ENTPD5: variants seen among roughly 807,000 people sequenced by gnomAD.
The protein encoded by ENTPD5 is ectonucleoside triphosphate diphosphohydrolase 5 (inactive).
ENTPD5 carries 49 observed loss-of-function variants against 60.2 expected under a neutral mutation model. That is an observed-to-expected ratio of 0.81 (90% CI 0.65 to 1.03). The LOEUF (loss-of-function observed/expected upper bound fraction) is 1.03. Among genes scored for constraint, ENTPD5 ranks in the 50% least tolerant of loss-of-function variants. ENTPD5 has a pLI of 0.00. For missense variants in ENTPD5, 480 were observed against 507.6 expected, an observed-to-expected ratio of 0.95 and a Z score of 0.52; for synonymous variants, 187 against 185.4, an observed-to-expected ratio of 1.01 and a Z score of -0.07.
At chr14:73,961,150 G>C, downstream of ENTPD5, 1 of 1,611,054 alleles carries the variant, frequency 6.2e-7, no homozygotes, top group Non-Finnish European at 8.5e-7. Context: ...CACCTTGTTT[G>C]TCTTGTGGCT....
At chr14:73,978,468 G>A (rs562055352) in intron 6 of ENTPD5, among the ~76,000 whole-genome samples, 1 of 152,084 alleles carries the variant, frequency 6.6e-6, no homozygotes, top group African/African-American at 2.4e-5. Flanking sequence ...TAGCATGGTG[G>A]TGGGCACCTG....
At position 73,991,625 on chromosome 14, in the gene ENTPD5, A is replaced by AAG. The variant is rs56259684; in HGVS notation, c.-70-3454_-70-3453insCT. Among the ~76,000 whole-genome samples the AAG allele has an allele frequency of 1.4e-4, 18 of 128,046 alleles. 1 individual carries two copies. The highest frequency in any genetic ancestry group is 4.7e-4 in the African/African-American group (17 of 36,526). The allele number at this position is 128,046 out of a possible 152,430, so 84.0% of individuals were successfully genotyped here. Reference sequence around the variant, plus strand: ...ACAATAACCAAAAAAAAAAAAAAAAAACAATTAGGGCTTGATGTGGGCGCT... The same window carrying AAG: ...ACAATAACCAAAAAAAAAAAAAAAAAAGACAATTAGGGCTTGATGTGGGCGCT... On this transcript the variant is annotated intron_variant, in intron 3 of 15. Coordinates refer to ENST00000334696, the MANE Select transcript of ENTPD5 (RefSeq NM_001249.5).
At chr14:74,002,068 T>C (rs2058529163) in intron 3 of ENTPD5, among the ~76,000 whole-genome samples, 2 of 152,180 alleles carry the variant, frequency 1.3e-5, no homozygotes, top group Non-Finnish European at 1.5e-5. Context: ...TGATGTTAAG[T>C]ATTCTACATA....
rs1457562584 is a variant in ENTPD5, at chr14:73,977,009, T to C, written c.553+15A>G. 3.1e-6 allele frequency: 5 copies of C among 1,605,466 alleles called. No homozygotes were observed. In the African/African-American group the frequency reaches 4.0e-5, roughly 13 times the overall value. On this transcript the variant is annotated intron_variant, in intron 8 of 15. Coordinates refer to ENST00000334696, the MANE Select transcript of ENTPD5 (RefSeq NM_001249.5). ...AGCTAGTTAAGCTCTAAAGATAAAC[T>C]TGAGGATGTATTACCTGTCAGAAAA...
chr14:73,961,100 G>A (rs1160765460), downstream of ENTPD5: 1 of 1,517,372 alleles, frequency 6.6e-7, no homozygotes, highest in Non-Finnish European at 8.9e-7. Flanking sequence ...TACAAACAAG[G>A]TTTCTTTATT....
chr14:73,955,667 TCTC>T (rs1436719445), downstream of ENTPD5: 4 of 1,451,556 alleles, frequency 2.8e-6, no homozygotes, highest in Non-Finnish European at 3.9e-6. Flanking sequence ...AGAATTTTCT[TCTC>T]ATTTTATATT....
At chr14:73,961,775 C>G (rs1054575425), downstream of ENTPD5, 1 of 1,614,194 alleles carries the variant, frequency 6.2e-7, no homozygotes, top group Non-Finnish European at 8.5e-7. Flanking sequence ...AACAGAAAGA[C>G]AGCGTCACAA....
At chr14:73,961,874 C>CA, downstream of ENTPD5, 2 of 1,614,172 alleles carry the variant, frequency 1.2e-6, no homozygotes, top group Non-Finnish European at 1.7e-6. Flanking sequence ...GTGGGGCTTG[C>CA]AGGCCACAAA....
chr14:73,959,485 A>G (rs746328626), downstream of ENTPD5: 13 of 1,614,068 alleles, frequency 8.1e-6, no homozygotes, highest in Non-Finnish European at 1.1e-5. Flanking sequence ...GTTAGCATGG[A>G]TGAGGAAAAA....
intron 3 of ENTPD5, among the ~76,000 whole-genome samples, chr14:73,990,503 T>C (rs1322658496): frequency 6.6e-6 from 1 of 151,808 alleles, no homozygotes; most frequent in African/African-American, 2.4e-5. Flanking sequence ...CCTGGCTATT[T>C]TTTTTATTTT....
At chr14:73,958,721 C>T (rs2056562428), downstream of ENTPD5, 1 of 1,401,728 alleles carries the variant, frequency 7.1e-7, no homozygotes, top group African/African-American at 1.4e-5. Flanking sequence ...GTTCAAATAT[C>T]AGGAGGGCCT....
chr14:74,010,005 T>C (rs1030454688), intron 3 of ENTPD5, among the ~76,000 whole-genome samples: 1 of 152,118 alleles, frequency 6.6e-6, no homozygotes, highest in Non-Finnish European at 1.5e-5. Context: ...TTAGCCAGGA[T>C]GGTCTCGATC....
intron 3 of ENTPD5, among the ~76,000 whole-genome samples, chr14:74,000,732 C>T (rs979656104): frequency 6.6e-6 from 1 of 151,682 alleles, no homozygotes; most frequent in African/African-American, 2.4e-5. Flanking sequence ...GAGCCGAGAT[C>T]ATGCCACTGC....
chr14:73,995,831 G>T (rs1266264054), intron 3 of ENTPD5, among the ~76,000 whole-genome samples: 2 of 152,016 alleles, frequency 1.3e-5, no homozygotes, highest in Non-Finnish European at 2.9e-5. Flanking sequence ...TCCTTTCACA[G>T]TTGGTCTTCT....
At chr14:73,991,631 T>TAAA (rs2058138129) in intron 3 of ENTPD5, among the ~76,000 whole-genome samples, 1 of 93,524 alleles carries the variant, frequency 1.1e-5, no homozygotes, top group African/African-American at 3.3e-5. Context: ...AAAAAACAAT[T>TAAA]AGGGCTTGAT....
At chr14:73,968,965 G>C (rs1034891021) in intron 15 of ENTPD5, among the ~76,000 whole-genome samples, 1 of 152,144 alleles carries the variant, frequency 6.6e-6, no homozygotes, top group African/African-American at 2.4e-5. Context: ...AATATACGAG[G>C]CACACATGAA....
intron 3 of ENTPD5, among the ~76,000 whole-genome samples, chr14:73,997,620 G>A (rs1181072658): frequency 6.6e-6 from 1 of 152,164 alleles, no homozygotes; most frequent in African/African-American, 2.4e-5. Context: ...AGTAAGCCAA[G>A]CCAAGCAAAA....
At chr14:74,000,348 T>C (rs1183227554) in intron 3 of ENTPD5, among the ~76,000 whole-genome samples, 2 of 151,812 alleles carry the variant, frequency 1.3e-5, no homozygotes, top group Non-Finnish European at 2.9e-5. Context: ...TCCCAGCTAT[T>C]TGGGAGGCTG....
intron 3 of ENTPD5, among the ~76,000 whole-genome samples, chr14:73,991,245 A>C (rs1013317685): frequency 1.3e-5 from 2 of 152,090 alleles, no homozygotes; most frequent in Admixed American, 1.3e-4. Flanking sequence ...CTCATCCGTA[A>C]AGGAAAACTG....
Sources: gnomAD v4.1 joint callset for allele counts (sites outside exome capture counted in the v4.1 genomes callset) on GRCh38, gnomAD v4.1.1 for gene constraint, MANE v1.5 for transcripts, NCBI Gene and HGNC (gene_info 2026-07-23, HGNC 2026-07-21) for gene names.